Variants in SOX6 observed in about 807,000 individuals in gnomAD.
SOX6 encodes the protein SRY-box transcription factor 6, also known as transcription factor SOX-6.
In SOX6, 11 loss-of-function variants were observed where a neutral mutation model predicts 97.8. The ratio of observed to expected loss-of-function variants is 0.11; its 90% CI spans 0.07 to 0.19. SOX6 has a LOEUF of 0.19. Among genes scored for constraint, SOX6 ranks in the 10% least tolerant of loss-of-function variants. SOX6 has a pLI of 1.00. For missense variants in SOX6, 810 were observed against 1,039.5 expected (o/e 0.78, Z 3.04); for synonymous variants, 360 against 371.4 (o/e 0.97, Z 0.35).
chr11:16,167,380 C>T (rs759046202), intron 6 of SOX6, among the ~76,000 whole-genome samples: 34 of 152,070 alleles, frequency 2.2e-4, no homozygotes, highest in Non-Finnish European at 2.9e-4. Flanking sequence ...CCTAAAATGC[C>T]TTCTCATGGT....
At chr11:16,690,886 T>C (rs1848008021) in intron 3 of SOX6, among the ~76,000 whole-genome samples, 1 of 152,234 alleles carries the variant, frequency 6.6e-6, no homozygotes, top group African/African-American at 2.4e-5. Context: ...AAGGAAATAC[T>C]TTTTTAAAAA....
At chr11:15,986,127 A>G in intron 15 of SOX6, 77 bp downstream of exon 15, 1 of 1,324,492 alleles carries the variant, frequency 7.6e-7, no homozygotes, top group Non-Finnish European at 1.1e-6. Context: ...CTCCTTCCCA[A>G]ACATACTGCC....
intron 6 of SOX6, among the ~76,000 whole-genome samples, chr11:16,163,128 A>T (rs1456667741): frequency 6.6e-6 from 1 of 152,188 alleles, no homozygotes; most frequent in Non-Finnish European, 1.5e-5. Context: ...AGAGAAAATA[A>T]AAAAGGAAGA....
chr11:16,648,080 G>T (rs894847153), intron 3 of SOX6, among the ~76,000 whole-genome samples: 1 of 152,168 alleles, frequency 6.6e-6, no homozygotes, highest in Non-Finnish European at 1.5e-5. Flanking sequence ...AGGAGCTGCT[G>T]CAGACAGAGT....
At chr11:16,210,464 G>A (rs1474117560) in intron 4 of SOX6, among the ~76,000 whole-genome samples, 1 of 152,162 alleles carries the variant, frequency 6.6e-6, no homozygotes, top group Non-Finnish European at 1.5e-5. Context: ...GTAGATTAGT[G>A]GTTGTTTAGG....
chr11:16,179,132 C>T (rs1225176481), intron 6 of SOX6, among the ~76,000 whole-genome samples: 1 of 151,838 alleles, frequency 6.6e-6, no homozygotes, highest in Non-Finnish European at 1.5e-5. Flanking sequence ...CAGCAGATAC[C>T]TGAAATGCCT....
At chr11:16,633,560 C>T (rs552671122) in intron 3 of SOX6, among the ~76,000 whole-genome samples, 25 of 152,310 alleles carry the variant, frequency 1.6e-4, no homozygotes, top group Non-Finnish European at 2.4e-4. Flanking sequence ...AAGTGAGTTT[C>T]CCACTTTGTG....
chr11:16,409,040 T>C (rs1858741520), intron 1 of SOX6, among the ~76,000 whole-genome samples: 1 of 152,134 alleles, frequency 6.6e-6, no homozygotes, highest in African/African-American at 2.4e-5. Context: ...CCTTCAACTT[T>C]GGTGCAAGAG....
At chr11:16,689,533 C>G (rs1283636848) in intron 3 of SOX6, among the ~76,000 whole-genome samples, 3 of 152,120 alleles carry the variant, frequency 2.0e-5, no homozygotes, top group African/African-American at 7.2e-5. Context: ...AAGGTAGACC[C>G]GATGCCTACT....
At chr11:16,186,118 C>T (rs1851467333) in intron 5 of SOX6, among the ~76,000 whole-genome samples, 2 of 152,126 alleles carry the variant, frequency 1.3e-5, no homozygotes, top group African/African-American at 4.8e-5. Flanking sequence ...TTAAACTTTG[C>T]TATTTTTTCT....
intron 4 of SOX6, among the ~76,000 whole-genome samples, chr11:16,201,734 C>G (rs1275166401): frequency 1.5e-5 from 2 of 133,714 alleles, no homozygotes; most frequent in African/African-American, 5.7e-5. Flanking sequence ...CCCGGGTTCA[C>G]GCCATTCTCC....
intron 3 of SOX6, among the ~76,000 whole-genome samples, chr11:16,693,229 C>T (rs1590054577): frequency 6.6e-6 from 1 of 152,228 alleles, no homozygotes; most frequent in African/African-American, 2.4e-5. Context: ...TCTTACCATA[C>T]CCTGAACAGC....
At chr11:16,216,485 T>C (rs1852376002) in intron 4 of SOX6, among the ~76,000 whole-genome samples, 1 of 152,086 alleles carries the variant, frequency 6.6e-6, no homozygotes. Context: ...ACAATAAGAA[T>C]CAGTTCATCA....
chr11:16,179,086 A>T (rs1481622541), intron 6 of SOX6, among the ~76,000 whole-genome samples: 1 of 151,938 alleles, frequency 6.6e-6, no homozygotes, highest in South Asian at 2.1e-4. Context: ...TCTTTAGACA[A>T]CTACTTCACA....
intron 1 of SOX6, among the ~76,000 whole-genome samples, chr11:16,342,952 A>G (rs1225100682): frequency 6.6e-6 from 1 of 151,902 alleles, no homozygotes; most frequent in Non-Finnish European, 1.5e-5. Flanking sequence ...GGAATGCAAA[A>G]GAATGCCTAT....
At chr11:16,082,988 C>T (rs1010211555) in intron 9 of SOX6, among the ~76,000 whole-genome samples, 16 of 152,246 alleles carry the variant, frequency 1.1e-4, no homozygotes, top group Admixed American at 2.6e-4. Flanking sequence ...GGTAGCTATT[C>T]TCTTTGTCTG....
chr11:15,991,823 TAG>T (rs1200069498), intron 13 of SOX6, among the ~76,000 whole-genome samples: 1 of 152,200 alleles, frequency 6.6e-6, no homozygotes, highest in Non-Finnish European at 1.5e-5. Flanking sequence ...TCCATACCAA[TAG>T]AGTCTCCCAG....
At chr11:16,153,446 T>C (rs1411120720) in intron 6 of SOX6, among the ~76,000 whole-genome samples, 1 of 152,184 alleles carries the variant, frequency 6.6e-6, no homozygotes, top group African/African-American at 2.4e-5. Flanking sequence ...GAGTAAGTTT[T>C]ACTAAGCCTA....
intron 3 of SOX6, among the ~76,000 whole-genome samples, chr11:16,629,628 T>C (rs1848675237): frequency 6.6e-6 from 1 of 151,990 alleles, no homozygotes; most frequent in Admixed American, 6.6e-5. Context: ...TAGGAAGGAG[T>C]CCTTCCTCCT....
Sources: gnomAD v4.1 joint callset for allele counts (sites outside exome capture counted in the v4.1 genomes callset) on GRCh38, gnomAD v4.1.1 for gene constraint, MANE v1.5 for transcripts, NCBI Gene and HGNC (gene_info 2026-07-23, HGNC 2026-07-21) for gene names.